MINDY4B: variants seen among roughly 807,000 people sequenced by gnomAD.
MINDY4B encodes the protein inactive ubiquitin carboxyl-terminal hydrolase MINDY-4B.
Under a neutral mutation model 16.7 loss-of-function variants are expected in MINDY4B, and 25 were observed. That is an observed-to-expected ratio of 1.49 (90% CI 1.09 to 2.09). The LOEUF (loss-of-function observed/expected upper bound fraction) is 2.09. Ranked by LOEUF, MINDY4B falls within the 30% of genes most tolerant of loss-of-function variation. MINDY4B has a pLI of 0.00. For missense variants in MINDY4B, 327 were observed against 168.4 expected, an observed-to-expected ratio of 1.94 and a Z score of -5.21; for synonymous variants, 132 against 61.9, an observed-to-expected ratio of 2.13 and a Z score of -5.32.
intron 7 of MINDY4B, among the ~76,000 whole-genome samples, chr3:150,889,427 A>G (rs943597170): frequency 1.3e-5 from 2 of 152,112 alleles, no homozygotes; most frequent in African/African-American, 2.4e-5. Context: ...TTCCATATTA[A>G]TGACCCTTGT....
chr3:150,878,740 T>G (rs1301885649), intron 10 of MINDY4B, among the ~76,000 whole-genome samples: 2 of 152,240 alleles, frequency 1.3e-5, no homozygotes, highest in East Asian at 3.8e-4. Flanking sequence ...TGGTATGTTT[T>G]GCCCTCTTCC....
intron 5 of MINDY4B, among the ~76,000 whole-genome samples, chr3:150,891,900 C>T (rs1047811020): frequency 4.6e-5 from 7 of 152,040 alleles, no homozygotes; most frequent in Non-Finnish European, 7.4e-5. Flanking sequence ...AGGAAGGCTT[C>T]GTGCAGTGTG....
Position 150,883,047 on chromosome 3 carries a change from G to T in MINDY4B, c.909C>A (p.Asn303Lys). ...GACTTGCTCTTCCAGTTAAAATCATGTTCAGAACTGCCTAGAGAGCATATT... is the reference window on the plus strand; with the variant it reads ...GACTTGCTCTTCCAGTTAAAATCATTTTCAGAACTGCCTAGAGAGCATATT... The part of the protein sequence containing the change: ...GGFLCRQAVL[N>K]MILTGRASPN... Residue 303 changes from asparagine to lysine, a missense_variant, in exon 10 of 12, where the codon AAC becomes AAA. Transcript: ENST00000465419. 1.4e-6 allele frequency: 1 copy of T among 700,814 alleles called. No individual in the cohort carries two copies. The highest frequency in any genetic ancestry group is 1.5e-5 in the South Asian group (1 of 67,428). The allele number at this position is 700,814 out of a possible 1,614,324, so 43.4% of individuals were successfully genotyped here.
At chr3:150,903,076 C>A (rs1712154640) in intron 3 of MINDY4B, among the ~76,000 whole-genome samples, 173 bp downstream of exon 3, 1 of 152,188 alleles carries the variant, frequency 6.6e-6, no homozygotes, top group South Asian at 2.1e-4. Flanking sequence ...CACAAGTGTC[C>A]TTGAAGAATA....
chr3:150,904,666 T>C (rs1049213056), intron 2 of MINDY4B, among the ~76,000 whole-genome samples: 1 of 152,194 alleles, frequency 6.6e-6, no homozygotes, highest in Admixed American at 6.5e-5. Flanking sequence ...TATTTTAAAA[T>C]GGTAAAGGAA....
At position 150,870,686 on chromosome 3, in the gene MINDY4B, T is replaced by C. The variant is rs1257263990; in HGVS notation, c.*359A>G. Among the ~76,000 whole-genome samples the C allele has an allele frequency of 1.3e-5, 2 of 152,208 alleles. No individual in the cohort carries two copies. Among genetic ancestry groups the C allele is most frequent in the African/African-American group, 4.8e-5 (2 of 41,448 alleles). Reference sequence around the variant, plus strand: ...AATGACTTCATCCCCAAATGAAAGCTAGCAGCCTGCTTCCGTAATCCTCAT... The same window carrying C: ...AATGACTTCATCCCCAAATGAAAGCCAGCAGCCTGCTTCCGTAATCCTCAT... On this transcript the variant is annotated 3_prime_UTR_variant, in exon 12 of 12. Transcript: ENST00000465419.
At position 150,903,335 on chromosome 3, in the gene MINDY4B, G is replaced by A. The variant is rs755804270; in HGVS notation, c.223C>T (p.Pro75Ser). ...LSQPKGQGHLPSSGLCSIPNP... is the reference protein window; with the variant it reads ...LSQPKGQGHLSSSGLCSIPNP... The stretch of plus-strand genomic sequence containing the variant: ...GGAATAGAACAAAGGCCACTTGATG[G>A]CAAATGTCCTTGTCCTTTGGGCTGA... Residue 75 changes from proline to serine, a missense_variant, in exon 3 of 12, where the codon CCA becomes TCA. By Grantham distance (74) the Pro-to-Ser change is moderately conservative. Transcript: ENST00000465419. 49 of 398,408 alleles carry A rather than the reference G, an allele frequency of 1.2e-4. No individual in the cohort carries two copies. Among genetic ancestry groups the A allele is most frequent in the Middle Eastern group, 1.2e-3 (2 of 1,610 alleles). The allele number at this position is 398,408 out of a possible 1,614,324, so 24.7% of individuals were successfully genotyped here. A position where few individuals can be genotyped will look rare whatever the true frequency, so the allele number is the denominator to read the frequency against.
intron 3 of MINDY4B, among the ~76,000 whole-genome samples, chr3:150,896,572 G>A (rs1711975569): frequency 1.3e-5 from 2 of 152,178 alleles, no homozygotes; most frequent in Non-Finnish European, 2.9e-5. Flanking sequence ...GTCCCACGGG[G>A]CGTTCCCTTG....
chr3:150,898,934 A>G (rs144531537), intron 3 of MINDY4B, among the ~76,000 whole-genome samples: 1 of 152,146 alleles, frequency 6.6e-6, no homozygotes, highest in Non-Finnish European at 1.5e-5. Flanking sequence ...CTTGAGGTAG[A>G]CTAATCCTCT....
chr3:150,896,784 A>C (rs1711980389), intron 3 of MINDY4B, among the ~76,000 whole-genome samples: 1 of 152,196 alleles, frequency 6.6e-6, no homozygotes, highest in African/African-American at 2.4e-5. Context: ...TGGAGGTGGC[A>C]GGGGGGTGAA....
intron 3 of MINDY4B, among the ~76,000 whole-genome samples, chr3:150,897,607 C>G (rs1008752452): frequency 6.6e-6 from 1 of 152,122 alleles, no homozygotes; most frequent in Non-Finnish European, 1.5e-5. Flanking sequence ...AAGCATGCAT[C>G]TGTAATGTTC....
At chr3:150,881,081 G>A (rs556163285) in intron 10 of MINDY4B, among the ~76,000 whole-genome samples, 17 of 152,140 alleles carry the variant, frequency 1.1e-4, no homozygotes, top group Admixed American at 3.3e-4. Context: ...AGAACTCTTT[G>A]CAGCCTCTAA....
In MINDY4B at chr3:150,885,358, T is replaced by C. The variant is rs1380092217; in HGVS notation, c.824+10A>G. ...TAGAAAATACCTGTGTAAACATCTG[T>C]AGAATTTACCTTTCAAATGTTCTAG... On this transcript the variant is annotated intron_variant, in intron 8 of 11. Coordinates refer to ENST00000465419, the MANE Select transcript of MINDY4B (RefSeq NM_001351281.2). 1.4e-6 allele frequency: 1 copy of C among 702,568 alleles called. No individual in the cohort carries two copies. The highest frequency in any genetic ancestry group is 2.6e-6 in the Non-Finnish European group (1 of 384,806). 43.5% of individuals were successfully genotyped at this position (702,568 alleles called of 1,614,324 possible).
intron 9 of MINDY4B, among the ~76,000 whole-genome samples, chr3:150,883,491 A>C (rs888751364): frequency 6.6e-6 from 1 of 152,188 alleles, no homozygotes; most frequent in African/African-American, 2.4e-5. Context: ...TGTTATGAAA[A>C]TTAGACGGTA....
intron 10 of MINDY4B, among the ~76,000 whole-genome samples, chr3:150,876,188 T>C (rs1711496740): frequency 6.6e-6 from 1 of 152,198 alleles, no homozygotes; most frequent in South Asian, 2.1e-4. Flanking sequence ...ATTTTCAGCA[T>C]CACATGCAGC....
rs1712208790 is a variant in MINDY4B at position 150,905,074 on chromosome 3, A to G, written c.129T>C (p.Asn43=). ...IFSYHRLGTN[N]STPQNHEGNH... ...GAAAAGTAATTACCTGAGGAGTTGAATTATTGGTTCCCAACCTTTAAATGA... is the reference window on the plus strand; with the variant it reads ...GAAAAGTAATTACCTGAGGAGTTGAGTTATTGGTTCCCAACCTTTAAATGA... Residue 43 remains asparagine, a synonymous_variant, in exon 2 of 12, where the codon AAT becomes AAC. Transcript: ENST00000465419. 2.5e-6 allele frequency: 1 copy of G among 398,446 alleles called. No individual in the cohort carries two copies. Among genetic ancestry groups the G allele is most frequent in the South Asian group, 1.3e-4 (1 of 7,868 alleles). 24.7% of individuals were successfully genotyped at this position (398,446 alleles called of 1,614,324 possible). A position where few individuals can be genotyped will look rare whatever the true frequency, so the allele number is the denominator to read the frequency against.
At chr3:150,898,847 G>T (rs9815934) in intron 3 of MINDY4B, among the ~76,000 whole-genome samples, 50,275 of 151,986 alleles carry the variant, frequency 0.33, 9,820 homozygotes, top group African/African-American at 0.53. Flanking sequence ...TTCCAACAGG[G>T]TTAATGTTCT....
At chr3:150,894,973 CAG>C (rs1025439289) in intron 3 of MINDY4B, among the ~76,000 whole-genome samples, 4 of 152,104 alleles carry the variant, frequency 2.6e-5, no homozygotes, top group Admixed American at 6.5e-5. Context: ...TATGAGAAAA[CAG>C]AGGGAGGAGA....
intron 2 of MINDY4B, 150 bp from the exon 3 acceptor site, chr3:150,903,566 A>C (rs1712166689): frequency 2.5e-6 from 1 of 395,770 alleles, no homozygotes; most frequent in East Asian, 3.6e-5. Context: ...AAATAGCAAT[A>C]AAAGAGGCAG....
Sources: gnomAD v4.1 joint callset for allele counts (sites outside exome capture counted in the v4.1 genomes callset) on GRCh38, gnomAD v4.1.1 for gene constraint, MANE v1.5 for transcripts, NCBI Gene and HGNC (gene_info 2026-07-23, HGNC 2026-07-21) for gene names.